The following SLC38A1 variants were observed in gnomAD, a reference collection of about 807,000 sequenced individuals.
SLC38A1 encodes sodium-coupled neutral amino acid symporter 1.
In SLC38A1, 18 loss-of-function variants were observed where a neutral mutation model predicts 60.3. The observed-to-expected ratio is 0.30, with a 90% CI of 0.21 to 0.44. The LOEUF is 0.44. SLC38A1 is among the 20% of genes least tolerant of loss of function. SLC38A1 has a pLI of 1.00. For missense variants in SLC38A1, 448 were observed against 587.2 expected (o/e 0.76, Z 2.45); for synonymous variants, 196 against 212.1 (o/e 0.92, Z 0.66).
chr12:46,217,059 A>G (rs1314274177), intron 5 of SLC38A1, among the ~76,000 whole-genome samples: 1 of 152,214 alleles, frequency 6.6e-6, no homozygotes, highest in Admixed American at 6.5e-5. Flanking sequence ...AATATAATTA[A>G]TAAAACACTT....
chr12:46,193,569 T>C (rs938469855), intron 16 of SLC38A1, among the ~76,000 whole-genome samples: 4 of 152,192 alleles, frequency 2.6e-5, no homozygotes, highest in African/African-American at 9.6e-5. Flanking sequence ...GGAGTCTAAG[T>C]CTCTTCGTAG....
rs944140853 is a variant in SLC38A1 at position 46,244,015 on chromosome 12, C to T, written c.-208-701G>A. On this transcript the variant is annotated intron_variant, in intron 1 of 16. Transcript: ENST00000398637. ...TTAAGTCAATTAGAGCCTATTTAACCAAGCAAGACCAACCCATCTAAAATG... is the reference window on the plus strand; with the variant it reads ...TTAAGTCAATTAGAGCCTATTTAACTAAGCAAGACCAACCCATCTAAAATG... Among the ~76,000 whole-genome samples, 15 of 152,156 alleles carry T rather than the reference C, an allele frequency of 9.9e-5. 1 individual carries two copies. The highest frequency in any genetic ancestry group is 7.9e-4 in the Admixed American group (12 of 15,278).
At chr12:46,214,506 T>G (rs569183537) in intron 5 of SLC38A1, among the ~76,000 whole-genome samples, 7 of 152,238 alleles carry the variant, frequency 4.6e-5, no homozygotes, top group Non-Finnish European at 8.8e-5. Flanking sequence ...AAGTACCATA[T>G]GCTAATAAAG....
intron 6 of SLC38A1, 112 bp from the exon 7 acceptor site, chr12:46,207,733 C>A: frequency 1.0e-6 from 1 of 965,728 alleles, no homozygotes. Context: ...GTGCCTTTCT[C>A]AAACTCACAC....
At chr12:46,201,234 A>G (rs531917785) in intron 12 of SLC38A1, 36 bp from the exon 13 acceptor site, 12 of 1,527,552 alleles carry the variant, frequency 7.9e-6, no homozygotes, top group South Asian at 6.9e-5. Flanking sequence ...TAAAAATCAT[A>G]TGACTGAATT....
At chr12:46,248,271 G>A (rs1285177504) in intron 1 of SLC38A1, among the ~76,000 whole-genome samples, 3 of 152,276 alleles carry the variant, frequency 2.0e-5, no homozygotes, top group East Asian at 3.9e-4. Context: ...ACCCGTAATT[G>A]TGCTGTATTC....
In SLC38A1 at chr12:46,249,070, C is replaced by T. The variant is rs184967968; in HGVS notation, c.-208-5756G>A. On this transcript the variant is annotated intron_variant, in intron 1 of 16. Transcript: ENST00000398637. Reference sequence around the variant, plus strand: ...ACTTGGGAGGCTCAGGCAGGAGAATCGCTTGAACCTGGGAGGCAGAGTTTG... The same window carrying T: ...ACTTGGGAGGCTCAGGCAGGAGAATTGCTTGAACCTGGGAGGCAGAGTTTG... Among the ~76,000 whole-genome samples, 159 of 150,024 alleles carry T rather than the reference C, an allele frequency of 1.1e-3. 2 individuals carry two copies. The East Asian group carries it at 0.021, about 20-fold the overall frequency.
At chr12:46,198,146 G>A in intron 14 of SLC38A1, 86 bp from the exon 15 acceptor site, 2 of 1,393,848 alleles carry the variant, frequency 1.4e-6, no homozygotes, top group Non-Finnish European at 2.0e-6. Flanking sequence ...ATTTATTGGT[G>A]CACAGGAATT....
intron 2 of SLC38A1, among the ~76,000 whole-genome samples, chr12:46,242,618 A>C (rs533919058): frequency 3.0e-4 from 46 of 151,416 alleles, no homozygotes; most frequent in African/African-American, 8.5e-4. Flanking sequence ...ACAACAACAA[A>C]AAAACAAAAC....
chr12:46,195,989 C>T, intron 16 of SLC38A1: 2 of 661,688 alleles, frequency 3.0e-6, no homozygotes, highest in Non-Finnish European at 5.0e-6. Flanking sequence ...GTGAGATGAA[C>T]CAGGTACCTC....
intron 3 of SLC38A1, among the ~76,000 whole-genome samples, chr12:46,230,391 G>A (rs183041737): frequency 1.6e-3 from 246 of 152,292 alleles, no homozygotes; most frequent in Admixed American, 3.0e-3. Flanking sequence ...GAGAAAGCAA[G>A]GGACTTAGAA....
At chr12:46,220,951 T>C (rs995944855) in intron 5 of SLC38A1, among the ~76,000 whole-genome samples, 3 of 152,134 alleles carry the variant, frequency 2.0e-5, no homozygotes, top group African/African-American at 7.2e-5. Flanking sequence ...TGCTGATGGG[T>C]CTATACTTTT....
chr12:46,237,436 G>C (rs1941299039), intron 3 of SLC38A1, among the ~76,000 whole-genome samples: 1 of 151,950 alleles, frequency 6.6e-6, no homozygotes, highest in African/African-American at 2.4e-5. Context: ...GTTAGAGCGA[G>C]AAATGAAGCA....
Position 46,229,253 on chromosome 12 carries a change from A to T in SLC38A1, c.214T>A (p.Ser72Thr). ...KCDEYIPGTT[S>T]LGMSVFNLSN... is the part of the protein sequence containing the mutation. ...AGGTTAAAAACAGACATGCCTAAGG[A>T]GGTTGTACCTGGAATCTGAACAAAG... The change falls in exon 5 of 17, where the codon TCC (serine) becomes ACC (threonine). Residue 72 changes from serine to threonine, a missense_variant. Transcript: ENST00000398637. 1 of 1,611,048 alleles carries T rather than the reference A, an allele frequency of 6.2e-7. No homozygotes were observed. Among genetic ancestry groups the T allele is most frequent in the Non-Finnish European group, 8.5e-7 (1 of 1,177,676 alleles).
rs867495050 is a variant in SLC38A1, at chr12:46,268,757, G to A, written c.-440C>T. 3.2e-5 allele frequency: 10 copies of A among 316,418 alleles called. No homozygotes were observed. In the Middle Eastern group the frequency reaches 1.6e-3, roughly 52 times the overall value. The allele number at this position is 316,418 out of a possible 1,614,324, so 19.6% of individuals were successfully genotyped here. ...GACCTTCTGGCGGAGTGGCGTGGCC[G>A]CCCCAGTCCGCGCTCGCCTGGCTCT... On this transcript the variant is annotated 5_prime_UTR_variant, in exon 1 of 17. Transcript: ENST00000398637. The surrounding 1 kb of genome is among the most constrained non-coding windows in gnomAD (Gnocchi z 4.4).
chr12:46,196,180 T>C, intron 16 of SLC38A1: 3 of 1,536,068 alleles, frequency 2.0e-6, no homozygotes, highest in Non-Finnish European at 2.6e-6. Flanking sequence ...ATAAGTTCCT[T>C]GCGCTTGAGC....
At chr12:46,255,249 C>G (rs1000313944) in intron 1 of SLC38A1, among the ~76,000 whole-genome samples, 1 of 152,186 alleles carries the variant, frequency 6.6e-6, no homozygotes, top group Non-Finnish European at 1.5e-5. Flanking sequence ...ATTAAAGCCA[C>G]GATTGACTAG....
chr12:46,233,015 T>TATG (rs1170505875), intron 3 of SLC38A1, among the ~76,000 whole-genome samples: 1 of 152,038 alleles, frequency 6.6e-6, no homozygotes, highest in African/African-American at 2.4e-5. Context: ...AAGCTAATTT[T>TATG]ATTATTATTA....
chr12:46,252,069 G>A (rs927488691), intron 1 of SLC38A1, among the ~76,000 whole-genome samples: 1 of 151,990 alleles, frequency 6.6e-6, no homozygotes, highest in Admixed American at 6.6e-5. Flanking sequence ...TTCACAATAG[G>A]AAACACTTGG....
Sources: gnomAD v4.1 joint callset for allele counts (sites outside exome capture counted in the v4.1 genomes callset) on GRCh38, gnomAD v4.1.1 for gene constraint, Gnocchi (gnomAD v3.1) non-coding constraint, MANE v1.5 for transcripts, NCBI Gene and HGNC (gene_info 2026-07-23, HGNC 2026-07-21) for gene names.